The following STAU2 variants were observed in gnomAD, a reference collection of about 807,000 sequenced individuals.
STAU2 encodes double-stranded RNA-binding protein Staufen homolog 2.
STAU2 carries 20 observed loss-of-function variants against 65.9 expected under a neutral mutation model. The ratio of observed to expected loss-of-function variants is 0.30; its 90% CI spans 0.21 to 0.44. The LOEUF (loss-of-function observed/expected upper bound fraction) is 0.44, where lower values mean the gene tolerates loss of function less well. STAU2 is among the 20% of genes least tolerant of loss of function. STAU2 has a pLI of 1.00. For synonymous variants in STAU2, 232 were observed against 233.9 expected (o/e 0.99, Z 0.07); for missense variants, 558 against 683.9 (o/e 0.82, Z 2.05).
intron 6 of STAU2, among the ~76,000 whole-genome samples, chr8:73,671,172 T>C (rs1817640846): frequency 6.6e-6 from 1 of 152,196 alleles, no homozygotes; most frequent in African/African-American, 2.4e-5. Flanking sequence ...GGCTCATGTC[T>C]GCAATCCTAA....
Position 73,528,726 on chromosome 8 carries a change from T to A in STAU2, c.1530+23286A>T, listed in dbSNP as rs116716738. On this transcript the variant is annotated intron_variant, in intron 13 of 14. Transcript: ENST00000524300. ...TTTAGGATAAAGGCTTAAGTGAAAA[T>A]TTTGAATTTGTGAGGAAGAAAATTA... 4.1e-3 allele frequency among the ~76,000 whole-genome samples: 628 copies of A among 152,304 alleles called. 5 individuals carry two copies. The highest frequency in any genetic ancestry group is 0.014 in the African/African-American group (597 of 41,580).
chr8:73,687,832 C>T (rs1468375858), intron 5 of STAU2, among the ~76,000 whole-genome samples: 1 of 151,922 alleles, frequency 6.6e-6, no homozygotes, highest in Non-Finnish European at 1.5e-5. Context: ...CTGCCTCGGC[C>T]TCCTGAGTAG....
intron 13 of STAU2, among the ~76,000 whole-genome samples, chr8:73,438,499 C>G (rs1179116913): frequency 1.3e-5 from 2 of 152,222 alleles, no homozygotes; most frequent in African/African-American, 2.4e-5. Flanking sequence ...CTGCAGCCAC[C>G]AGGGCGAGTG....
At chr8:73,743,941 T>C (rs1807090578) in intron 1 of STAU2, among the ~76,000 whole-genome samples, 1 of 151,256 alleles carries the variant, frequency 6.6e-6, no homozygotes, top group Non-Finnish European at 1.5e-5. Context: ...CCAGCTAATT[T>C]TTGTATTTTT....
chr8:73,746,868 A>AC, upstream of STAU2: 1 of 1,179,976 alleles, frequency 8.5e-7, no homozygotes, highest in Middle Eastern at 2.8e-4. Context: ...GCCGGCTTCC[A>AC]CCCCTCGGGC....
At chr8:73,487,104 G>C (rs1322602368) in intron 13 of STAU2, among the ~76,000 whole-genome samples, 1 of 152,082 alleles carries the variant, frequency 6.6e-6, no homozygotes, top group African/African-American at 2.4e-5. Flanking sequence ...AAGGCAATAA[G>C]CTCTTGTGAC....
At chr8:73,601,595 C>A (rs992825852) in intron 10 of STAU2, among the ~76,000 whole-genome samples, 15 of 152,032 alleles carry the variant, frequency 9.9e-5, no homozygotes, top group African/African-American at 3.6e-4. Flanking sequence ...TATACAAAGG[C>A]CGTTACTTTG....
chr8:73,618,145 A>G (rs1335879042), intron 6 of STAU2, among the ~76,000 whole-genome samples: 2 of 152,212 alleles, frequency 1.3e-5, no homozygotes, highest in Non-Finnish European at 2.9e-5. Flanking sequence ...TTATTTATGG[A>G]GCGTCTTCTA....
chr8:73,507,073 C>A (rs969007978), intron 13 of STAU2, among the ~76,000 whole-genome samples: 15 of 152,192 alleles, frequency 9.9e-5, no homozygotes, highest in African/African-American at 3.6e-4. Flanking sequence ...CCAAGTCACC[C>A]ATGAGGGTTG....
At chr8:73,649,889 A>G in intron 6 of STAU2, among the ~76,000 whole-genome samples, 2 of 137,604 alleles carry the variant, frequency 1.5e-5, no homozygotes, top group South Asian at 4.8e-4. Flanking sequence ...ATATATATAT[A>G]TATATATATA....
chr8:73,556,512 C>G (rs1807779136), intron 12 of STAU2, among the ~76,000 whole-genome samples: 1 of 152,202 alleles, frequency 6.6e-6, no homozygotes, highest in East Asian at 1.9e-4. Context: ...AATCCCAGCA[C>G]TTTGGGAGGC....
intron 6 of STAU2, among the ~76,000 whole-genome samples, chr8:73,642,774 G>C (rs892951468): frequency 2.3e-4 from 35 of 152,178 alleles, no homozygotes; most frequent in African/African-American, 6.8e-4. Flanking sequence ...GGGGTGAAAT[G>C]AAAGGCAAGA....
At chr8:73,442,120 C>T (rs1389203566) in intron 13 of STAU2, among the ~76,000 whole-genome samples, 3 of 151,916 alleles carry the variant, frequency 2.0e-5, no homozygotes, top group Non-Finnish European at 2.9e-5. Context: ...TTTGGGAGGC[C>T]GAGGTGGGCG....
At chr8:73,422,522 A>C in intron 14 of STAU2, 92 bp downstream of exon 14, 19 of 937,676 alleles carry the variant, frequency 2.0e-5, no homozygotes, top group African/African-American at 3.5e-5. Flanking sequence ...TGTAGATACT[A>C]TTGTCGACTT....
chr8:73,530,149 AAC>A (rs1048476284), intron 13 of STAU2, among the ~76,000 whole-genome samples: 3 of 152,204 alleles, frequency 2.0e-5, no homozygotes, highest in African/African-American at 7.2e-5. Flanking sequence ...CATGGAACAG[AAC>A]CATCATGCCA....
At chr8:73,675,815 G>A (rs1255296815) in intron 5 of STAU2, among the ~76,000 whole-genome samples, 1 of 152,148 alleles carries the variant, frequency 6.6e-6, no homozygotes, top group Admixed American at 6.6e-5. Context: ...TAAAGGTTTG[G>A]GATGATTAGT....
chr8:73,607,016 G>T (rs1250824830), intron 9 of STAU2, among the ~76,000 whole-genome samples: 1 of 152,076 alleles, frequency 6.6e-6, no homozygotes, highest in Non-Finnish European at 1.5e-5. Flanking sequence ...AGATTACAAA[G>T]GGGCATAAGG....
At chr8:73,523,215 A>AAG (rs1554535305) in intron 13 of STAU2, among the ~76,000 whole-genome samples, 13 of 150,146 alleles carry the variant, frequency 8.7e-5, no homozygotes, top group Non-Finnish European at 1.3e-4. Context: ...AAAAAAAAAA[A>AAG]AAAAGAAAAG....
chr8:73,730,728 CAAAAAA>C (rs60034849), intron 3 of STAU2, among the ~76,000 whole-genome samples: 4 of 82,700 alleles, frequency 4.8e-5, no homozygotes, highest in East Asian at 3.3e-4. Context: ...CTACGTCTTT[CAAAAAA>C]AAAAAAAAAA....
Sources: gnomAD v4.1 joint callset for allele counts (sites outside exome capture counted in the v4.1 genomes callset) on GRCh38, gnomAD v4.1.1 for gene constraint, MANE v1.5 for transcripts, NCBI Gene and HGNC (gene_info 2026-07-23, HGNC 2026-07-21) for gene names.